LARGE2: variants seen among roughly 807,000 people sequenced by gnomAD.
LARGE2 encodes xylosyl- and glucuronyltransferase LARGE2.
Under a neutral mutation model 75.3 loss-of-function variants are expected in LARGE2, and 63 were observed. That is an observed-to-expected ratio of 0.84 (90% CI 0.68 to 1.03). LARGE2 has a LOEUF of 1.03. Ranked by LOEUF, LARGE2 falls within the 50% of genes least tolerant of loss-of-function variation. The pLI is 0.00. For missense variants in LARGE2, 925 were observed against 980.6 expected, an observed-to-expected ratio of 0.94 and a Z score of 0.76; for synonymous variants, 428 against 420.1, an observed-to-expected ratio of 1.02 and a Z score of -0.23.
rs1262914481 is a variant in LARGE2 at position 45,928,820 on chromosome 11, A to C, written c.2141A>C (p.Gln714Pro). 7.4e-6 allele frequency: 12 copies of C among 1,613,332 alleles called. No homozygotes were observed. The highest frequency in any genetic ancestry group is 1.0e-5 in the Non-Finnish European group (12 of 1,179,926). ...CTCAAATACCTCCCAGCCCTGCAGCAGCCCCAGAGCCCTGCCCGAGGCTGA... is the reference window on the plus strand; with the variant it reads ...CTCAAATACCTCCCAGCCCTGCAGCCGCCCCAGAGCCCTGCCCGAGGCTGA... ...AALKYLPALQ[Q>P]PQSPARG Residue 714 changes from glutamine to proline, a missense_variant, in exon 14 of 14, where the codon CAG (glutamine) becomes CCG (proline). Coordinates refer to ENST00000401752, the MANE Select transcript of LARGE2 (RefSeq NM_001300721.2).
rs1023377458 is a variant in LARGE2, at chr11:45,927,477, G to A, written c.1488G>A (p.Gly496=). 5 of 1,614,110 alleles carry A rather than the reference G, an allele frequency of 3.1e-6. No individual in the cohort carries two copies. The highest frequency in any genetic ancestry group is 4.2e-6 in the Non-Finnish European group (5 of 1,180,042). ...CCTACCATGTGGTGTACCGTGAGGG[G>A]CCCCTATACCCCGTCAACCAGCTTC... ...DVAYHVVYRE[G]PLYPVNQLRN... The change falls in exon 11 of 14, where the codon GGG becomes GGA. Residue 496 remains glycine, a synonymous_variant. Transcript: ENST00000401752.
At position 45,926,279 on chromosome 11, in the gene LARGE2, G is replaced by A; in HGVS notation, c.940G>A (p.Val314Ile). 6.2e-7 allele frequency: 1 copy of A among 1,614,244 alleles called. No individual in the cohort carries two copies. The highest frequency in any genetic ancestry group is 8.5e-7 in the Non-Finnish European group (1 of 1,180,044). ...GGGGCTAGTGCAGCGTCTGCCTTGTGTCTGGAATGTGCAGCTGTCAGATCA... is the reference window on the plus strand; with the variant it reads ...GGGGCTAGTGCAGCGTCTGCCTTGTATCTGGAATGTGCAGCTGTCAGATCA... ...HPGLVQRLPC[V>I]WNVQLSDHTL... Residue 314 changes from valine (V) to isoleucine (I), a missense_variant, in exon 8 of 14, where the codon GTC (valine) becomes ATC (isoleucine). This residue lies in a region of LARGE2 where 453 missense variants were observed against 460.2 expected (regional missense o/e 0.98). Coordinates refer to ENST00000401752, the MANE Select transcript of LARGE2 (RefSeq NM_001300721.2).
At chr11:45,923,374 A>C in intron 2 of LARGE2, 99 bp from the exon 3 acceptor site, 1 of 1,266,272 alleles carries the variant, frequency 7.9e-7, no homozygotes, top group Non-Finnish European at 1.1e-6. Context: ...CCCTCCGCAC[A>C]CTGTTCCGGG....
chr11:45,926,881 C>T lies in LARGE2; in HGVS notation c.1325+10C>T. 4.4e-6 allele frequency: 7 copies of T among 1,604,454 alleles called. No individual in the cohort carries two copies. Among genetic ancestry groups the T allele is most frequent in the Non-Finnish European group, 6.0e-6 (7 of 1,176,308 alleles). On this transcript the variant is annotated intron_variant, in intron 10 of 13. Coordinates refer to ENST00000401752, the MANE Select transcript of LARGE2 (RefSeq NM_001300721.2). Reference sequence around the variant, plus strand: ...AGCTGTCCATGGACCGGTGAGGGTGCAGAGGGCAGCCCAGGGGGTATGGCA... The same window carrying T: ...AGCTGTCCATGGACCGGTGAGGGTGTAGAGGGCAGCCCAGGGGGTATGGCA...
chr11:45,923,097 C>CG lies in LARGE2; in HGVS notation c.220dup (p.Ala74GlyfsTer34), dbSNP rs2086986551. ...AGAGCCGCCGCCCTCGACGGAGACC[C>CG]GGGGGCCGGCCCCGGGGACCACAAC... On this transcript the variant is annotated frameshift_variant, in exon 2 of 14. Coordinates refer to ENST00000401752, the MANE Select transcript of LARGE2 (RefSeq NM_001300721.2). LOFTEE classifies it high-confidence loss of function. 5.0e-6 allele frequency: 7 copies of CG among 1,401,386 alleles called. No individual in the cohort carries two copies. The South Asian group carries it at 6.1e-5, about 12-fold the overall frequency. The allele number at this position is 1,401,386 out of a possible 1,614,324, so 86.8% of individuals were successfully genotyped here. A position where few individuals can be genotyped will look rare whatever the true frequency, so the allele number is the denominator to read the frequency against.
In LARGE2 at chr11:45,926,167, G is replaced by A; in HGVS notation, c.882+16G>A. On this transcript the variant is annotated intron_variant, in intron 7 of 13. Coordinates refer to ENST00000401752, the MANE Select transcript of LARGE2 (RefSeq NM_001300721.2). Reference sequence around the variant, plus strand: ...GGCTGACCAGGTCTGAGGAAGCCTTGCCGGGTGGGGTGTGGCAGGCTGGGG... The same window carrying A: ...GGCTGACCAGGTCTGAGGAAGCCTTACCGGGTGGGGTGTGGCAGGCTGGGG... 6.2e-7 allele frequency: 1 copy of A among 1,603,542 alleles called. No individual in the cohort carries two copies. Among genetic ancestry groups the A allele is most frequent in the South Asian group, 1.1e-5 (1 of 89,896 alleles).
At chr11:45,928,437 A>G in intron 13 of LARGE2, 65 bp downstream of exon 13, 1 of 1,569,718 alleles carries the variant, frequency 6.4e-7, no homozygotes, top group Non-Finnish European at 8.7e-7. Context: ...GGAACTCACG[A>G]CACCTGCATG....
chr11:45,923,025 TC>T lies in LARGE2; in HGVS notation c.147del (p.Gly50AlafsTer67), dbSNP rs1266823817. 3 of 1,390,314 alleles carry T rather than the reference TC, an allele frequency of 2.2e-6. No homozygotes were observed. Among genetic ancestry groups the T allele is most frequent in the South Asian group, 1.6e-5 (1 of 63,470 alleles). The allele number at this position is 1,390,314 out of a possible 1,614,324, so 86.1% of individuals were successfully genotyped here. A position where few individuals can be genotyped will look rare whatever the true frequency, so the allele number is the denominator to read the frequency against. On this transcript the variant is annotated frameshift_variant, in exon 2 of 14. Coordinates refer to ENST00000401752, the MANE Select transcript of LARGE2 (RefSeq NM_001300721.2). LOFTEE classifies it high-confidence loss of function. The stretch of plus-strand genomic sequence containing the variant: ...GGGCGAGCGGGGGCCCCGGGATGCT[TC>T]CCCGGCCCGCTCATGCCACGTGTCC... ...PGGRAGAPGC[F>X]PGPLMPRVPP...
At chr11:45,928,422 T>C (rs1307677712) in intron 13 of LARGE2, 50 bp downstream of exon 13, 9 of 1,589,400 alleles carry the variant, frequency 5.7e-6, no homozygotes, top group Non-Finnish European at 7.7e-6. Context: ...CACCTCCAGG[T>C]CCAGGGAACT....
At chr11:45,924,412 G>T in intron 4 of LARGE2, 94 bp from the exon 5 acceptor site, 2 of 1,563,340 alleles carry the variant, frequency 1.3e-6, no homozygotes, top group Non-Finnish European at 1.7e-6. Flanking sequence ...TCTTTTGGGG[G>T]TTTACCCCCT....
chr11:45,928,534 C>T, intron 13 of LARGE2, 96 bp from the exon 14 acceptor site: 2 of 1,546,160 alleles, frequency 1.3e-6, no homozygotes, highest in Middle Eastern at 1.9e-4. Context: ...TGCTTTAGCT[C>T]TCAGGGGCTA....
At chr11:45,925,797 G>A (rs1436697629) in intron 6 of LARGE2, among the ~76,000 whole-genome samples, 5 of 152,142 alleles carry the variant, frequency 3.3e-5, no homozygotes, top group Non-Finnish European at 7.4e-5. Flanking sequence ...GGGAAGTCGA[G>A]GCTGCAGTGA....
rs146664736 is a variant in LARGE2 at position 45,927,375 on chromosome 11, C to G, written c.1386C>G (p.Tyr462Ter). The change falls in exon 11 of 14, where the codon TAC becomes TAG. Residue 462 changes from tyrosine (Y) to a stop codon, truncating the protein, a stop_gained. Coordinates refer to ENST00000401752, the MANE Select transcript of LARGE2 (RefSeq NM_001300721.2). LOFTEE classifies it high-confidence loss of function. The stretch of plus-strand genomic sequence containing the variant: ...CTGGCCCCATGAGCCTGGCCTTGTA[C>G]CTGACAGACGCAGAAGCTCAGCAGT... ...HWPGPMSLAL[Y>*]LTDAEAQQFL... The G allele has an allele frequency of 1.2e-6, 2 of 1,614,008 alleles. No homozygotes were observed. Among genetic ancestry groups the G allele is most frequent in the South Asian group, 1.1e-5 (1 of 91,080 alleles).
rs375274631 is a variant in LARGE2 at position 45,928,369 on chromosome 11, C to A, written c.1947C>A (p.Ala649=). The change falls in exon 13 of 14, where the codon GCC becomes GCA. Residue 649 remains alanine, a synonymous_variant. Coordinates refer to ENST00000401752, the MANE Select transcript of LARGE2 (RefSeq NM_001300721.2). ...NKVAHIVELD[A]QEYELLVLPE... is the part of the protein sequence containing the mutation. ...TGGCCCACATTGTGGAGCTGGATGCCCAGGTGAGGAGGGCACCTTGCTGCC... is the reference window on the plus strand; with the variant it reads ...TGGCCCACATTGTGGAGCTGGATGCACAGGTGAGGAGGGCACCTTGCTGCC... The A allele has an allele frequency of 8.7e-6, 14 of 1,613,070 alleles. No individual in the cohort carries two copies. The highest frequency in any genetic ancestry group is 1.3e-5 in the African/African-American group (1 of 75,044).
rs1453714539 is a variant in LARGE2, at chr11:45,926,298, C to G, written c.959C>G (p.Ser320Ter). ...RLPCVWNVQL[S>*]DHTLAERCYS... Reference sequence around the variant, plus strand: ...CCTTGTGTCTGGAATGTGCAGCTGTCAGATCACACACTGGCCGAGCGCTGC... The same window carrying G: ...CCTTGTGTCTGGAATGTGCAGCTGTGAGATCACACACTGGCCGAGCGCTGC... The change falls in exon 8 of 14, where the codon TCA becomes TGA. Residue 320 changes from serine (S) to a stop codon, truncating the protein, a stop_gained. Coordinates refer to ENST00000401752, the MANE Select transcript of LARGE2 (RefSeq NM_001300721.2). LOFTEE classifies it high-confidence loss of function. The G allele has an allele frequency of 6.2e-7, 1 of 1,614,212 alleles. No homozygotes were observed. Among genetic ancestry groups the G allele is most frequent in the Admixed American group, 1.7e-5 (1 of 60,028 alleles).
intron 9 of LARGE2, 37 bp from the exon 10 acceptor site, chr11:45,926,674 C>T: frequency 1.9e-6 from 3 of 1,611,882 alleles, no homozygotes; most frequent in Non-Finnish European, 2.5e-6. Flanking sequence ...TGTTGTTCTG[C>T]CCTATCCCCG....
rs2087424482 is a variant in LARGE2, at chr11:45,929,060, G to A, written c.*215G>A. On this transcript the variant is annotated 3_prime_UTR_variant, in exon 14 of 14. Coordinates refer to ENST00000401752, the MANE Select transcript of LARGE2 (RefSeq NM_001300721.2). ...GGGGCTGGTTCCCCCATCTTGAATT[G>A]TTTATCCCTTTTTCATAATTAAAGT... 1.6e-6 allele frequency: 1 copy of A among 617,994 alleles called. No homozygotes were observed. The highest frequency in any genetic ancestry group is 2.0e-5 in the South Asian group (1 of 48,834). The allele number at this position is 617,994 out of a possible 1,614,324, so 38.3% of individuals were successfully genotyped here.
chr11:45,923,055 C>A lies in LARGE2; in HGVS notation c.173C>A (p.Pro58Gln), dbSNP rs891485767. Residue 58 changes from proline to glutamine, a missense_variant, in exon 2 of 14, where the codon CCA (proline) becomes CAA (glutamine). Coordinates refer to ENST00000401752, the MANE Select transcript of LARGE2 (RefSeq NM_001300721.2). ...GGCCCGCTCATGCCACGTGTCCCCC[C>A]AGACGGGAGGCTGCGGAGAGCCGCC... ...FPGPLMPRVP[P>Q]DGRLRRAAAL... 2.3e-5 allele frequency: 33 copies of A among 1,418,028 alleles called. No homozygotes were observed. Among genetic ancestry groups the A allele is most frequent in the Non-Finnish European group, 2.8e-5 (31 of 1,088,742 alleles). 87.8% of individuals were successfully genotyped at this position (1,418,028 alleles called of 1,614,324 possible).
chr11:45,923,142 A>G lies in LARGE2; in HGVS notation c.260A>G (p.Gln87Arg). The G allele has an allele frequency of 7.4e-7, 1 of 1,346,892 alleles. No homozygotes were observed. Among genetic ancestry groups the G allele is most frequent in the Non-Finnish European group, 9.5e-7 (1 of 1,058,196 alleles). The allele number at this position is 1,346,892 out of a possible 1,614,324, so 83.4% of individuals were successfully genotyped here. A position where few individuals can be genotyped will look rare whatever the true frequency, so the allele number is the denominator to read the frequency against. The change falls in exon 2 of 14, where the codon CAG becomes CGG. Residue 87 changes from glutamine to arginine, a missense_variant. Transcript: ENST00000401752. ...GDHNRSDCGP[Q>R]PPPPPKCELL... ...CACAACCGCTCCGACTGCGGCCCGC[A>G]GCCGCCGCCGCCGCCCAAGTGCGAG...
Sources: allele counts gnomAD v4.1 joint callset (sites outside exome capture counted in the v4.1 genomes callset), GRCh38; gene constraint gnomAD v4.1.1; regional missense constraint gnomAD v4.1.1; transcripts MANE v1.5; gene names NCBI Gene and HGNC (gene_info 2026-07-23, HGNC 2026-07-21).